MDN1: variants seen among roughly 807,000 people sequenced by gnomAD.
MDN1 encodes the protein midasin AAA ATPase 1, also known as midasin.
A neutral mutation model predicts 669.2 loss-of-function variants in MDN1; 266 were observed. The ratio of observed to expected loss-of-function variants is 0.40; its 90% confidence interval spans 0.36 to 0.44. MDN1 has a LOEUF of 0.44. Ranked by LOEUF, MDN1 falls within the 20% of genes least tolerant of loss-of-function variation. The pLI, the probability that MDN1 is intolerant of heterozygous loss-of-function variation, is 1.00. For synonymous variants in MDN1, 2,385 were observed against 2,457.1 expected (o/e 0.97, Z 0.87); for missense variants, 5,940 against 6,754.0 (o/e 0.88, Z 4.22).
rs1002647292 is a variant in MDN1 at position 89,645,039 on chromosome 6, A to G, written c.16578T>C (p.Val5526=). The G allele has an allele frequency of 6.2e-7, 1 of 1,607,620 alleles. No homozygotes were observed. Among genetic ancestry groups the G allele is most frequent in the Non-Finnish European group, 8.5e-7 (1 of 1,174,444 alleles). ...ARNANIFVIF[V]VLDNPSSRDS... is the part of the protein sequence containing the mutation. Reference sequence around the variant, plus strand: ...CCCGTGAACTGGGATTGTCCAATACAACAAAGATGACAAAGATATTTGCAT... The same window carrying G: ...CCCGTGAACTGGGATTGTCCAATACGACAAAGATGACAAAGATATTTGCAT... The change falls in exon 101 of 102, where the codon GTT becomes GTC. Residue 5526 remains valine, a synonymous_variant. Transcript: ENST00000369393.
At position 89,662,150 on chromosome 6, in the gene MDN1, C is replaced by T. The variant is rs553142403; in HGVS notation, c.14502G>A (p.Lys4834=). 1.2e-6 allele frequency: 2 copies of T among 1,614,038 alleles called. No homozygotes were observed. Among genetic ancestry groups the T allele is most frequent in the Admixed American group, 1.7e-5 (1 of 59,988 alleles). Residue 4834 remains lysine (K), a synonymous_variant, in exon 87 of 102, where the codon AAG becomes AAA. Coordinates refer to ENST00000369393, the MANE Select transcript of MDN1 (RefSeq NM_014611.3). The part of the protein sequence containing the change: ...DKSQQDKKEE[K]EEAEADDGGQ... Reference sequence around the variant, plus strand: ...CACCATCATCAGCTTCTGCTTCTTCCTTTTCTTCCTTCTTATCTTGCTGGC... The same window carrying T: ...CACCATCATCAGCTTCTGCTTCTTCTTTTTCTTCCTTCTTATCTTGCTGGC...
chr6:89,785,638 G>C (rs556187630), intron 8 of MDN1, among the ~76,000 whole-genome samples: 1 of 152,222 alleles, frequency 6.6e-6, no homozygotes, highest in Non-Finnish European at 1.5e-5. Flanking sequence ...CAACTGTCCC[G>C]AGAGGAAGAT....
chr6:89,677,505 C>T, intron 76 of MDN1, 65 bp downstream of exon 76: 12 of 1,595,668 alleles, frequency 7.5e-6, no homozygotes, highest in Non-Finnish European at 9.4e-6. Flanking sequence ...CAAATGAGGA[C>T]AAGGAGTTCT....
At chr6:89,773,602 C>T (rs930029971) in intron 13 of MDN1, among the ~76,000 whole-genome samples, 8 of 150,736 alleles carry the variant, frequency 5.3e-5, no homozygotes, top group African/African-American at 2.0e-4. Flanking sequence ...GGCCACATGA[C>T]AACAGAGACA....
In MDN1 at chr6:89,819,495, T is replaced by G; in HGVS notation, c.102+11A>C. 6.2e-7 allele frequency: 1 copy of G among 1,604,664 alleles called. No individual in the cohort carries two copies. Reference sequence around the variant, plus strand: ...TCGTTCCGGCGCTTTCCCTCTCCCTTCACGTCTTACCTGCTTGGCCAAGAA... The same window carrying G: ...TCGTTCCGGCGCTTTCCCTCTCCCTGCACGTCTTACCTGCTTGGCCAAGAA... On this transcript the variant is annotated intron_variant, in intron 1 of 101. Coordinates refer to ENST00000369393, the MANE Select transcript of MDN1 (RefSeq NM_014611.3).
Position 89,706,188 on chromosome 6 carries a change from T to C in MDN1, c.8019A>G (p.Pro2673=). 6.2e-7 allele frequency: 1 copy of C among 1,609,282 alleles called. No homozygotes were observed. Among genetic ancestry groups the C allele is most frequent in the East Asian group, 2.2e-5 (1 of 44,846 alleles). ...CATGGGGCAGAGTGTGATAGCTTTCTGGATCTGAGAGTCAACATAAATAAA... is the reference window on the plus strand; with the variant it reads ...CATGGGGCAGAGTGTGATAGCTTTCCGGATCTGAGAGTCAACATAAATAAA... ...LRMSFEFHQD[P]ESYHTLPHEI... is the part of the protein sequence containing the mutation. Residue 2673 remains proline (P), a synonymous_variant, in exon 53 of 102, where the codon CCA becomes CCG. Coordinates refer to ENST00000369393, the MANE Select transcript of MDN1 (RefSeq NM_014611.3).
chr6:89,718,614 C>G lies in MDN1; in HGVS notation c.6335G>C (p.Arg2112Pro). 6.2e-7 allele frequency: 1 copy of G among 1,613,746 alleles called. No individual in the cohort carries two copies. Among genetic ancestry groups the G allele is most frequent in the South Asian group, 1.1e-5 (1 of 91,054 alleles). Residue 2112 changes from arginine to proline, a missense_variant, in exon 43 of 102, where the codon CGA (arginine) becomes CCA (proline). Around this residue, in one of 5 missense-constraint regions of MDN1, gnomAD observed 2,292 missense variants for 2,638.3 expected, o/e 0.87. Transcript: ENST00000369393. ...CTTCTCTAGCAGCCTCCTCCAAGGT[C>G]GTATAAGATCAACCTGTAATTTCCA... ...LGGFEQVDLIRPWRRLLEKVE... is the reference protein window; with the variant it reads ...LGGFEQVDLIPPWRRLLEKVE...
At chr6:89,700,483 T>C (rs1813078259) in intron 56 of MDN1, among the ~76,000 whole-genome samples, 163 bp downstream of exon 56, 1 of 152,158 alleles carries the variant, frequency 6.6e-6, no homozygotes, top group Non-Finnish European at 1.5e-5. Context: ...GAATTAAAAA[T>C]ATATGTGAAA....
At chr6:89,692,380 C>T (rs878861594) in intron 63 of MDN1, 63 bp downstream of exon 63, 38 of 1,469,026 alleles carry the variant, frequency 2.6e-5, no homozygotes, top group Middle Eastern at 2.4e-4. Flanking sequence ...TGCAGGCCGC[C>T]CTGCTGTGAA....
At chr6:89,752,199 C>A (rs1157688361) in intron 22 of MDN1, among the ~76,000 whole-genome samples, 1 of 152,118 alleles carries the variant, frequency 6.6e-6, no homozygotes, top group Non-Finnish European at 1.5e-5. Context: ...AGATTTCAAG[C>A]TACACGTCTA....
At chr6:89,819,055 G>A (rs1051790508) in intron 1 of MDN1, among the ~76,000 whole-genome samples, 1 of 152,116 alleles carries the variant, frequency 6.6e-6, no homozygotes, top group Non-Finnish European at 1.5e-5. Context: ...CTTTCTCACA[G>A]CGCCACACCG....
At chr6:89,671,281 C>A (rs536866756) in intron 82 of MDN1, among the ~76,000 whole-genome samples, 1 of 152,156 alleles carries the variant, frequency 6.6e-6, no homozygotes, top group East Asian at 1.9e-4. Context: ...TTACATATAT[C>A]GTCACAAAAG....
chr6:89,725,122 A>T, intron 38 of MDN1, 77 bp downstream of exon 38: 2 of 1,333,794 alleles, frequency 1.5e-6, no homozygotes, highest in Admixed American at 1.8e-5. Context: ...CATAGTGAAT[A>T]TCCTTAAAGG....
chr6:89,755,067 C>A (rs1218518679), intron 20 of MDN1, among the ~76,000 whole-genome samples: 1 of 151,456 alleles, frequency 6.6e-6, no homozygotes, highest in Non-Finnish European at 1.5e-5. Context: ...CCTTTATCTA[C>A]CTCTTTAGAT....
chr6:89,667,986 T>C (rs370131568), intron 84 of MDN1, 28 bp downstream of exon 84: 16 of 1,606,392 alleles, frequency 1.0e-5, no homozygotes, highest in African/African-American at 1.3e-5. Context: ...TGATCTTCTG[T>C]CAACTGTATA....
Position 89,716,652 on chromosome 6 carries a change from G to A in MDN1, c.6741C>T (p.Cys2247=). ...CTGATTAGGCATAAGGTTCTTACTT[G>A]CAGAAGTTAACATTGTCCATCAGAA... ...DWLLMDNVNF[C]NPSVLDRLNA... is the part of the protein sequence containing the mutation. Residue 2247 remains cysteine, a splice_region_variant and synonymous_variant, in exon 44 of 102, where the codon TGC becomes TGT. Coordinates refer to ENST00000369393, the MANE Select transcript of MDN1 (RefSeq NM_014611.3). The A allele has an allele frequency of 6.2e-7, 1 of 1,609,184 alleles. No individual in the cohort carries two copies. Among genetic ancestry groups the A allele is most frequent in the Non-Finnish European group, 8.5e-7 (1 of 1,178,540 alleles).
At chr6:89,688,271 C>A in intron 66 of MDN1, 98 bp from the exon 67 acceptor site, 1 of 1,133,182 alleles carries the variant, frequency 8.8e-7, no homozygotes, top group Non-Finnish European at 1.3e-6. Flanking sequence ...CCCCCCAGTT[C>A]TCTACTTTTA....
chr6:89,818,422 C>T (rs1429520077), intron 1 of MDN1, among the ~76,000 whole-genome samples: 4 of 151,588 alleles, frequency 2.6e-5, no homozygotes, highest in Non-Finnish European at 5.9e-5. Flanking sequence ...TCACTTGAGC[C>T]CAGGGGTTCC....
At chr6:89,753,712 T>A (rs1817080011) in intron 21 of MDN1, 90 bp from the exon 22 acceptor site, 1 of 1,040,830 alleles carries the variant, frequency 9.6e-7, no homozygotes, top group Non-Finnish European at 1.5e-6. Flanking sequence ...ACCTCTTGGG[T>A]GATGCTGCTT....
Sources: allele counts gnomAD v4.1 joint callset (sites outside exome capture counted in the v4.1 genomes callset), GRCh38; gene constraint gnomAD v4.1.1; regional missense constraint gnomAD v4.1.1; transcripts MANE v1.5; gene names NCBI Gene and HGNC (gene_info 2026-07-23, HGNC 2026-07-21).